Variants in DYM observed in about 807,000 individuals in gnomAD.
DYM encodes the protein dymeclin, also known as dyggve-Melchior-Clausen syndrome protein.
DYM carries 78 observed loss-of-function variants against 93.1 expected under a neutral mutation model. The observed-to-expected ratio is 0.84, with a 90% CI of 0.70 to 1.01. The LOEUF is 1.01. DYM is among the 50% of genes least tolerant of loss of function. The pLI is 0.00. For synonymous variants in DYM, 321 were observed against 319.7 expected (o/e 1.00, Z -0.04); for missense variants, 789 against 845.0 (o/e 0.93, Z 0.82).
At chr18:49,068,205 T>C (rs1455815951) in intron 17 of DYM, among the ~76,000 whole-genome samples, 1 of 152,164 alleles carries the variant, frequency 6.6e-6, no homozygotes, top group East Asian at 1.9e-4. Context: ...CAAAGGGACA[T>C]GACCAGGTGC....
chr18:49,163,967 G>A (rs534946781), intron 14 of DYM, among the ~76,000 whole-genome samples, 180 bp from the exon 15 acceptor site: 1 of 152,078 alleles, frequency 6.6e-6, no homozygotes, highest in Admixed American at 6.5e-5. Context: ...AAAAAGGAGT[G>A]GGGAGGATGT....
At chr18:49,409,466 A>G (rs1001889971) in intron 2 of DYM, among the ~76,000 whole-genome samples, 14 of 152,148 alleles carry the variant, frequency 9.2e-5, no homozygotes, top group African/African-American at 2.4e-4. Context: ...CATGGCCTTG[A>G]TGGTAGATCT....
intron 13 of DYM, among the ~76,000 whole-genome samples, chr18:49,218,801 C>G (rs1294239390): frequency 3.3e-5 from 5 of 152,160 alleles, no homozygotes; most frequent in Non-Finnish European, 7.3e-5. Context: ...CAAGAGAAAG[C>G]AGGACAGATC....
chr18:49,233,087 T>C (rs2093756671), intron 13 of DYM, among the ~76,000 whole-genome samples: 1 of 152,020 alleles, frequency 6.6e-6, no homozygotes, highest in Admixed American at 6.5e-5. Context: ...TTTCGGCCAG[T>C]GCAGTGGCTC....
chr18:49,393,821 C>A (rs1439607215), intron 2 of DYM: 1 of 151,874 alleles, frequency 6.6e-6, no homozygotes, highest in Admixed American at 6.6e-5. Context: ...TAGGGAATTT[C>A]AATATATGCT....
At chr18:49,207,424 T>C (rs2092571886) in intron 14 of DYM, among the ~76,000 whole-genome samples, 1 of 152,240 alleles carries the variant, frequency 6.6e-6, no homozygotes, top group African/African-American at 2.4e-5. Context: ...CATAGTGTGA[T>C]GATGTTTTAT....
intron 5 of DYM, among the ~76,000 whole-genome samples, chr18:49,371,473 T>C (rs557207734): frequency 3.4e-4 from 51 of 151,866 alleles, no homozygotes; most frequent in Admixed American, 7.2e-4. Flanking sequence ...TGTCTCAAAA[T>C]AATAATAATA....
At chr18:49,356,245 AC>A (rs11315763) in intron 6 of DYM, among the ~76,000 whole-genome samples, 83,431 of 151,996 alleles carry the variant, frequency 0.55, 24,291 homozygotes, top group Non-Finnish European at 0.65. Context: ...TGTATTAATA[AC>A]AGTAAACAAA....
intron 14 of DYM, among the ~76,000 whole-genome samples, chr18:49,184,787 ATATTTTTAG>A (rs2090284566): frequency 6.6e-6 from 1 of 152,210 alleles, no homozygotes; most frequent in Non-Finnish European, 1.5e-5. Context: ...TTTCCATTTA[ATATTTTTAG>A]ACTACATTTG....
chr18:49,144,130 A>G (rs2084828307), intron 15 of DYM, among the ~76,000 whole-genome samples: 1 of 152,168 alleles, frequency 6.6e-6, no homozygotes, highest in Admixed American at 6.5e-5. Context: ...ATTGGTCTTC[A>G]TTAATGTGTT....
Position 49,384,384 on chromosome 18 carries a change from G to T in DYM, c.194-4626C>A, listed in dbSNP as rs1458033658. ...GTCACACCTGTAATCCCAGCACTTT[G>T]GGAGGCCAAGGCAGGAAGATCACTT... On this transcript the variant is annotated intron_variant, in intron 3 of 17. Transcript: ENST00000675505. Among the ~76,000 whole-genome samples, 3 of 150,452 alleles carry T rather than the reference G, an allele frequency of 2.0e-5. 1 individual carries two copies. The East Asian group carries it at 5.9e-4, about 30-fold the overall frequency.
intron 13 of DYM, among the ~76,000 whole-genome samples, chr18:49,236,247 G>A (rs1325829573): frequency 6.6e-6 from 1 of 152,148 alleles, no homozygotes; most frequent in African/African-American, 2.4e-5. Flanking sequence ...TTGAGAGGCT[G>A]AGATGGGCGG....
chr18:49,112,640 G>A (rs1268816117), intron 16 of DYM, among the ~76,000 whole-genome samples: 1 of 152,090 alleles, frequency 6.6e-6, no homozygotes, highest in Non-Finnish European at 1.5e-5. Flanking sequence ...CTAAGCAGAA[G>A]TCCACTGTAG....
chr18:49,411,677 C>A (rs1246743990), intron 2 of DYM, among the ~76,000 whole-genome samples: 4 of 152,126 alleles, frequency 2.6e-5, no homozygotes, highest in Non-Finnish European at 4.4e-5. Context: ...AACAATCAAA[C>A]TGTAAGTTTC....
rs1025804112 is a variant in DYM at position 49,076,327 on chromosome 18, T to A, written c.2025+21075A>T. On this transcript the variant is annotated intron_variant, in intron 17 of 17. Transcript: ENST00000675505. ...TTCTACTTTGAGATGACACTTATTC[T>A]CCATGCTGCAGATATTATGCCAAAA... 5.3e-5 allele frequency among the ~76,000 whole-genome samples: 8 copies of A among 152,206 alleles called. No homozygotes were observed. In the East Asian group the frequency reaches 1.5e-3, roughly 29 times the overall value.
intron 13 of DYM, among the ~76,000 whole-genome samples, chr18:49,218,311 C>CT (rs1160732326): frequency 6.6e-6 from 1 of 152,194 alleles, no homozygotes; most frequent in Non-Finnish European, 1.5e-5. Context: ...TAATGGGAGA[C>CT]TTTAACACCC....
chr18:49,218,498 G>C (rs570772266), intron 13 of DYM, among the ~76,000 whole-genome samples: 1,669 of 152,194 alleles, frequency 0.011, 29 homozygotes, highest in African/African-American at 0.037. Flanking sequence ...TGACCACATA[G>C]TTGGAAGTAG....
At chr18:49,296,085 C>T (rs1234042773) in intron 8 of DYM, among the ~76,000 whole-genome samples, 1 of 152,148 alleles carries the variant, frequency 6.6e-6, no homozygotes, top group African/African-American at 2.4e-5. Context: ...GGTGCCACCA[C>T]ACCCAGCTAA....
chr18:49,393,402 C>T (rs180804059), intron 2 of DYM, among the ~76,000 whole-genome samples: 2 of 152,220 alleles, frequency 1.3e-5, no homozygotes, highest in Admixed American at 1.3e-4. Flanking sequence ...GTAGAAGTAA[C>T]CCACATGTGT....
Sources: gnomAD v4.1 joint callset for allele counts (sites outside exome capture counted in the v4.1 genomes callset) on GRCh38, gnomAD v4.1.1 for gene constraint, MANE v1.5 for transcripts, NCBI Gene and HGNC (gene_info 2026-07-23, HGNC 2026-07-21) for gene names.